The following FOCAD variants were observed in gnomAD, a reference collection of about 807,000 sequenced individuals.
The protein encoded by FOCAD is KIAA1797.
FOCAD carries 198 observed loss-of-function variants against 225.6 expected under a neutral mutation model. The ratio of observed to expected loss-of-function variants is 0.88; its 90% CI spans 0.78 to 0.99. The LOEUF (loss-of-function observed/expected upper bound fraction) is 0.99. FOCAD is among the 50% of genes least tolerant of loss of function. The probability of loss-of-function intolerance (pLI) is 0.00; values close to 1 mark genes in which losing one functional copy is unlikely to be tolerated. For missense variants in FOCAD, 2,713 were observed against 2,123.6 expected, an observed-to-expected ratio of 1.28 and a Z score of -5.46; for synonymous variants, 897 against 755.0, an observed-to-expected ratio of 1.19 and a Z score of -3.08.
intron 3 of FOCAD, among the ~76,000 whole-genome samples, chr9:20,719,198 C>A (rs568798479): frequency 1.3e-5 from 2 of 152,230 alleles, no homozygotes; most frequent in East Asian, 1.9e-4. Flanking sequence ...TCTCATATCT[C>A]AGCCTCCCGA....
intron 21 of FOCAD, among the ~76,000 whole-genome samples, chr9:20,891,725 T>A (rs949048726): frequency 6.6e-6 from 1 of 152,192 alleles, no homozygotes; most frequent in Non-Finnish European, 1.5e-5. Context: ...AACACCAAAG[T>A]GCAAGTTGAA....
chr9:20,788,109 C>A (rs1314300775), intron 10 of FOCAD, among the ~76,000 whole-genome samples: 1 of 152,044 alleles, frequency 6.6e-6, no homozygotes, highest in African/African-American at 2.4e-5. Context: ...TATAGTGTAT[C>A]CATACAATGG....
chr9:20,733,451 A>G (rs1370275149), intron 4 of FOCAD, among the ~76,000 whole-genome samples: 1 of 152,016 alleles, frequency 6.6e-6, no homozygotes, highest in Admixed American at 6.6e-5. Context: ...GGTGTGCTGC[A>G]CCCATTAACT....
chr9:20,900,990 T>C (rs1251871199), intron 21 of FOCAD, among the ~76,000 whole-genome samples: 1 of 151,786 alleles, frequency 6.6e-6, no homozygotes, highest in Admixed American at 6.6e-5. Context: ...TCATTTTACT[T>C]TAAAAAGTGT....
intron 19 of FOCAD, among the ~76,000 whole-genome samples, chr9:20,880,420 C>T (rs1830571022): frequency 6.6e-6 from 1 of 152,196 alleles, no homozygotes; most frequent in East Asian, 1.9e-4. Context: ...CTGGGGAATA[C>T]ATCTCCTGAC....
At chr9:20,813,270 C>G (rs536892117) in intron 11 of FOCAD, among the ~76,000 whole-genome samples, 1 of 152,150 alleles carries the variant, frequency 6.6e-6, no homozygotes, top group African/African-American at 2.4e-5. Flanking sequence ...CCGGGATGGA[C>G]ATTTAGGTTG....
At chr9:20,671,229 C>T (rs1822054475) in intron 2 of FOCAD, among the ~76,000 whole-genome samples, 1 of 151,344 alleles carries the variant, frequency 6.6e-6, no homozygotes, top group African/African-American at 2.4e-5. Flanking sequence ...GATAAAATTA[C>T]ATAGATACAA....
chr9:20,802,531 A>G (rs1206779946), intron 11 of FOCAD, among the ~76,000 whole-genome samples: 1 of 152,152 alleles, frequency 6.6e-6, no homozygotes. Context: ...GTAACCTTGG[A>G]CAGTTCTTGG....
chr9:20,731,863 C>T lies in FOCAD; in HGVS notation c.288-8373C>T, dbSNP rs139420789. On this transcript the variant is annotated intron_variant, in intron 4 of 43. Transcript: ENST00000338382. The stretch of plus-strand genomic sequence containing the variant: ...AACTCCCAACCTCAGGTGATCTTCC[C>T]GCCTCAGCCTCCCAAAGTCCTGGGA... Among the ~76,000 whole-genome samples the T allele has an allele frequency of 2.5e-3, 383 of 152,202 alleles. 6 individuals carry two copies. Among genetic ancestry groups the T allele is most frequent in the East Asian group, 8.7e-3 (45 of 5,180 alleles).
In FOCAD at chr9:20,827,126, A is replaced by G. The variant is rs140880377; in HGVS notation, c.1920+4011A>G. 1.4e-3 allele frequency among the ~76,000 whole-genome samples: 210 copies of G among 152,214 alleles called. 1 individual carries two copies. The highest frequency in any genetic ancestry group is 4.7e-3 in the African/African-American group (196 of 41,570). ...AGTATATTCAGAGAGTTATGCCACC[A>G]TCATCACAATCAATTTTAGGACACT... On this transcript the variant is annotated intron_variant, in intron 15 of 43. Coordinates refer to ENST00000338382, the MANE Select transcript of FOCAD (RefSeq NM_001375567.1).
At chr9:20,661,378 T>C (rs1420735483) in intron 2 of FOCAD, among the ~76,000 whole-genome samples, 3 of 152,160 alleles carry the variant, frequency 2.0e-5, no homozygotes, top group Non-Finnish European at 4.4e-5. Context: ...ACATGTATTA[T>C]AAGATTGTCT....
At chr9:20,923,104 A>G (rs1256186498) in intron 24 of FOCAD, among the ~76,000 whole-genome samples, 1 of 152,176 alleles carries the variant, frequency 6.6e-6, no homozygotes, top group African/African-American at 2.4e-5. Flanking sequence ...AACTGGGTTT[A>G]AGGTTGATAG....
At chr9:20,901,938 CTG>C (rs1832598410) in intron 21 of FOCAD, among the ~76,000 whole-genome samples, 1 of 136,960 alleles carries the variant, frequency 7.3e-6, no homozygotes, top group Admixed American at 7.1e-5. Context: ...CTCAACAACT[CTG>C]TGCCTATTTA....
chr9:20,986,569 T>C, intron 40 of FOCAD, 104 bp downstream of exon 40: 1 of 1,073,428 alleles, frequency 9.3e-7, no homozygotes, highest in Middle Eastern at 3.1e-4. Context: ...TTAGTGCTTA[T>C]TGACACAGGT....
rs563145862 is a variant in FOCAD at position 20,798,277 on chromosome 9, A to G, written c.1455+8669A>G. Among the ~76,000 whole-genome samples the G allele has an allele frequency of 5.6e-4, 85 of 152,084 alleles. 1 individual carries two copies. The South Asian group carries it at 6.9e-3, about 12-fold the overall frequency. ...TATTTTATTGAATATTTTTGCATGG[A>G]TGTTCATCAGGGATATTGGTCTAAA... On this transcript the variant is annotated intron_variant, in intron 11 of 43. Coordinates refer to ENST00000338382, the MANE Select transcript of FOCAD (RefSeq NM_001375567.1).
At chr9:20,786,955 C>A in intron 10 of FOCAD, 1 of 473,146 alleles carries the variant, frequency 2.1e-6, no homozygotes, top group East Asian at 6.3e-5. Context: ...CTCCCTCAGG[C>A]TATGGGGCCA....
At position 20,804,252 on chromosome 9, in the gene FOCAD, A is replaced by G. The variant is rs181876951; in HGVS notation, c.1455+14644A>G. Among the ~76,000 whole-genome samples the G allele has an allele frequency of 1.6e-4, 24 of 152,150 alleles. No individual in the cohort carries two copies. In the East Asian group the frequency reaches 2.9e-3, roughly 19 times the overall value. On this transcript the variant is annotated intron_variant, in intron 11 of 43. Transcript: ENST00000338382. ...AATTGATGAAATATCATGAAGCAAA[A>G]AAGTATTTGCTATAATCAAGTATGC... is the stretch of plus-strand genomic sequence containing the variant.
chr9:20,798,527 C>G (rs1427766393), intron 11 of FOCAD, among the ~76,000 whole-genome samples: 1 of 152,094 alleles, frequency 6.6e-6, no homozygotes, highest in Non-Finnish European at 1.5e-5. Context: ...ATTTCAGAGC[C>G]TGTTATTGGT....
chr9:20,757,033 G>C (rs1431290339), intron 5 of FOCAD, among the ~76,000 whole-genome samples: 1 of 152,078 alleles, frequency 6.6e-6, no homozygotes, highest in African/African-American at 2.4e-5. Flanking sequence ...AAGTTTAAGT[G>C]ATTCACCTTC....
Sources: gnomAD v4.1 joint callset for allele counts (sites outside exome capture counted in the v4.1 genomes callset) on GRCh38, gnomAD v4.1.1 for gene constraint, MANE v1.5 for transcripts, NCBI Gene and HGNC (gene_info 2026-07-23, HGNC 2026-07-21) for gene names.